The following NUMA1 variants were observed in gnomAD, a reference collection of about 807,000 sequenced individuals.
NUMA1 encodes SP-H antigen.
In NUMA1, 62 loss-of-function variants were observed where a neutral mutation model predicts 237.1. That is an observed-to-expected ratio of 0.26 (90% CI 0.21 to 0.32). The LOEUF is 0.32. NUMA1 is among the 10% of genes least tolerant of loss of function. The pLI, the probability that NUMA1 is intolerant of heterozygous loss-of-function variation, is 1.00. For synonymous variants in NUMA1, 1,028 were observed against 1,066.1 expected, an observed-to-expected ratio of 0.96 and a Z score of 0.70; for missense variants, 2,533 against 2,666.5, an observed-to-expected ratio of 0.95 and a Z score of 1.10.
intron 10 of NUMA1, 35 bp from the exon 11 acceptor site, chr11:72,018,548 A>G: frequency 6.4e-7 from 1 of 1,564,366 alleles, no homozygotes. Flanking sequence ...GAGGAGAATC[A>G]GAACTATGTG....
intron 13 of NUMA1, 89 bp from the exon 14 acceptor site, chr11:72,016,619 G>A: frequency 6.8e-7 from 1 of 1,481,258 alleles, no homozygotes; most frequent in Middle Eastern, 1.8e-4. Context: ...CAAACATGGG[G>A]CCCATCATCT....
intron 4 of NUMA1, among the ~76,000 whole-genome samples, chr11:72,026,669 A>AT (rs1252377829): frequency 1.3e-5 from 2 of 151,956 alleles, no homozygotes; most frequent in Non-Finnish European, 2.9e-5. Context: ...TTAAAGAATT[A>AT]TTTTTCTCAG....
chr11:72,077,365 CAGAA>C (rs1159146219), intron 1 of NUMA1, among the ~76,000 whole-genome samples: 8 of 152,044 alleles, frequency 5.3e-5, no homozygotes, highest in South Asian at 2.1e-4. Flanking sequence ...TAAAAACAAA[CAGAA>C]AGAAAGACAG....
chr11:72,014,245 G>A lies in NUMA1; in HGVS notation c.3258C>T (p.Thr1086=), dbSNP rs765462556. The change falls in exon 15 of 27, where the codon ACC becomes ACT. Residue 1086 remains threonine (T), a synonymous_variant. Transcript: ENST00000393695. This position sits in a 1 kb window ranked among gnomAD's most constrained non-coding sequence, Gnocchi z 4.6. ...QIKELEELRQ[T]VKQLKEQLAK... is the part of the protein sequence containing the mutation. The stretch of plus-strand genomic sequence containing the variant: ...CCAGCTGTTCCTTCAGTTGCTTCAC[G>A]GTTTGCCGAAGTTCCTCCAGCTCTT... 1.5e-5 allele frequency: 24 copies of A among 1,613,986 alleles called. No homozygotes were observed. The highest frequency in any genetic ancestry group is 5.0e-5 in the Admixed American group (3 of 60,030).
rs115805582 is a variant in NUMA1 at position 72,045,109 on chromosome 11, C to T, written c.-32-9134G>A. 4.4e-3 allele frequency among the ~76,000 whole-genome samples: 662 copies of T among 151,936 alleles called. 2 individuals carry two copies. Among genetic ancestry groups the T allele is most frequent in the African/African-American group, 0.015 (632 of 41,466 alleles). On this transcript the variant is annotated intron_variant, in intron 2 of 26. Transcript: ENST00000393695. ...TCCTCAAGGGCATAACCAGTTCCAC[C>T]TCTCTCTCTCTGTGATCCCCCATAA...
In NUMA1 at chr11:72,016,510, G is replaced by A. The variant is rs142927239; in HGVS notation, c.1140C>T (p.Asn380=). The A allele has an allele frequency of 3.1e-4, 503 of 1,613,972 alleles. 4 individuals are homozygous for A. In the East Asian group the frequency reaches 0.01, roughly 33 times the overall value. The change falls in exon 14 of 27, where the codon AAC becomes AAT. Residue 380 remains asparagine (N), a synonymous_variant. Transcript: ENST00000393695. ...LQDKKCLEEK[N]EILQGKLSQL... ...GTGAAAGTTTTCCCTGAAGGATTTC[G>A]TTCTTCTCTTCAAGGCATTTCTGGG... is the stretch of plus-strand genomic sequence containing the variant.
Position 72,004,082 on chromosome 11 carries a change from C to G in NUMA1, c.6141G>C (p.Ser2047=). Residue 2047 remains serine (S), a synonymous_variant, in exon 26 of 27, where the codon TCG becomes TCC. Coordinates refer to ENST00000393695, the MANE Select transcript of NUMA1 (RefSeq NM_006185.4). Reference sequence around the variant, plus strand: ...GTGTGTTGAGGATGCTGAAGGCCATCGACTGGCGCCGGTCAGCCTGCAAGG... The same window carrying G: ...GTGTGTTGAGGATGCTGAAGGCCATGGACTGGCGCCGGTCAGCCTGCAAGG... ...ASTKQADRRQ[S]MAFSILNTPK... is the part of the protein sequence containing the mutation. The G allele has an allele frequency of 1.9e-6, 3 of 1,612,978 alleles. No homozygotes were observed. The highest frequency in any genetic ancestry group is 2.5e-6 in the Non-Finnish European group (3 of 1,179,640).
chr11:72,056,663 C>G (rs1266382421), intron 2 of NUMA1, among the ~76,000 whole-genome samples: 5 of 53,816 alleles, frequency 9.3e-5, no homozygotes, highest in African/African-American at 2.9e-4. Context: ...AAAAAAAAGG[C>G]AAGCCAAACT....
At chr11:72,074,549 G>C (rs1448513896) in intron 1 of NUMA1, among the ~76,000 whole-genome samples, 1 of 152,006 alleles carries the variant, frequency 6.6e-6, no homozygotes, top group Non-Finnish European at 1.5e-5. Flanking sequence ...GACCAGCCTG[G>C]GCAACATAGT....
At chr11:72,018,078 G>A in intron 12 of NUMA1, 105 bp downstream of exon 12, 3 of 1,004,032 alleles carry the variant, frequency 3.0e-6, no homozygotes, top group Non-Finnish European at 3.2e-6. Context: ...AGAGACTGAA[G>A]CATAAGACAG....
chr11:72,004,861 G>T, intron 23 of NUMA1, 45 bp from the exon 24 acceptor site: 1 of 1,505,664 alleles, frequency 6.6e-7, no homozygotes, highest in Non-Finnish European at 8.9e-7. Context: ...GCTGTATGGA[G>T]ATGGAGGAGG....
intron 24 of NUMA1, 88 bp downstream of exon 24, chr11:72,004,552 G>T (rs1466744211): frequency 4.3e-6 from 6 of 1,384,270 alleles, no homozygotes; most frequent in Non-Finnish European, 6.0e-6. Flanking sequence ...AGTGAGGGAA[G>T]GAGAGAGAAG....
rs1215549300 is a variant in NUMA1 at position 72,013,891 on chromosome 11, C to T, written c.3612G>A (p.Lys1204=). Residue 1204 remains lysine (K), a synonymous_variant, in exon 15 of 27, where the codon AAG becomes AAA. Coordinates refer to ENST00000393695, the MANE Select transcript of NUMA1 (RefSeq NM_006185.4). This position sits in a 1 kb window ranked among gnomAD's most constrained non-coding sequence, Gnocchi z 6.8. ...AFRTKVQDHS[K]AEDEWKAQVA... is the part of the protein sequence containing the mutation. ...CCTGGGCCTTCCACTCATCTTCAGC[C>T]TTGCTGTGGTCTTGTACCTTGGTGC... 2 of 1,614,044 alleles carry T rather than the reference C, an allele frequency of 1.2e-6. No individual in the cohort carries two copies. Among genetic ancestry groups the T allele is most frequent in the Middle Eastern group, 1.6e-4 (1 of 6,062 alleles).
intron 1 of NUMA1, among the ~76,000 whole-genome samples, chr11:72,076,230 C>T (rs1331862643): frequency 6.6e-6 from 1 of 151,612 alleles, no homozygotes; most frequent in Non-Finnish European, 1.5e-5. Flanking sequence ...AAAAATTTGC[C>T]GGGTATGGTG....
chr11:72,019,373 G>T, intron 9 of NUMA1, 121 bp downstream of exon 9: 1 of 1,320,974 alleles, frequency 7.6e-7, no homozygotes, highest in Non-Finnish European at 1.0e-6. Flanking sequence ...GGAGATCCCA[G>T]ATCTACCGGA....
chr11:72,064,814 G>C (rs1227672947), intron 2 of NUMA1, among the ~76,000 whole-genome samples: 2 of 150,928 alleles, frequency 1.3e-5, no homozygotes. Flanking sequence ...GCCTGGGTGA[G>C]AGAGTGAGAC....
chr11:72,029,122 T>C lies in NUMA1; in HGVS notation c.128+83A>G, dbSNP rs190817111. ...CCCTGATTTCTGGTCATAGCCATCA[T>C]CAAGTAAAGAGAACAAGTACAGCCC... On this transcript the variant is annotated intron_variant, in intron 4 of 26. Coordinates refer to ENST00000393695, the MANE Select transcript of NUMA1 (RefSeq NM_006185.4). 1.3e-4 allele frequency: 123 copies of C among 968,922 alleles called. No individual in the cohort carries two copies. In the African/African-American group the frequency reaches 1.4e-3, roughly 11 times the overall value. 60.0% of individuals were successfully genotyped at this position (968,922 alleles called of 1,614,324 possible).
chr11:72,073,840 T>C (rs980199439), intron 1 of NUMA1, among the ~76,000 whole-genome samples: 2 of 152,150 alleles, frequency 1.3e-5, no homozygotes, highest in African/African-American at 4.8e-5. Flanking sequence ...TGTGCCTCAG[T>C]TGCCTTCCCT....
At chr11:72,061,485 CTTTTTTT>C (rs767581846) in intron 2 of NUMA1, among the ~76,000 whole-genome samples, 19 of 117,316 alleles carry the variant, frequency 1.6e-4, no homozygotes, top group Admixed American at 6.4e-4. Flanking sequence ...TGTTTCTTTT[CTTTTTTT>C]TTTTTTTTTT....
Sources: allele counts gnomAD v4.1 joint callset (sites outside exome capture counted in the v4.1 genomes callset), GRCh38; gene constraint gnomAD v4.1.1; non-coding constraint Gnocchi (gnomAD v3.1); transcripts MANE v1.5; gene names NCBI Gene and HGNC (gene_info 2026-07-23, HGNC 2026-07-21).